The following HID1 variants were observed in gnomAD, a reference collection of about 807,000 sequenced individuals.
HID1 encodes protein HID1.
In HID1, 42 loss-of-function variants were observed where a neutral mutation model predicts 89.7. The ratio of observed to expected loss-of-function variants is 0.47; its 90% CI spans 0.37 to 0.61. The LOEUF is 0.61. Ranked by LOEUF, HID1 falls within the 20% of genes least tolerant of loss-of-function variation. HID1 has a pLI of 0.00. For synonymous variants in HID1, 442 were observed against 433.8 expected (o/e 1.02, Z -0.24); for missense variants, 854 against 1,039.3 (o/e 0.82, Z 2.45).
chr17:74,966,227 T>C (rs1183662687), intron 1 of HID1, among the ~76,000 whole-genome samples: 1 of 131,210 alleles, frequency 7.6e-6, no homozygotes, highest in African/African-American at 3.0e-5. Flanking sequence ...GAGGTCGCAG[T>C]GAGCCGAGAT....
Position 74,962,045 on chromosome 17 carries a change from T to C in HID1, c.612-56A>G, listed in dbSNP as rs1479115077. The C allele has an allele frequency of 1.5e-6, 2 of 1,365,812 alleles. No individual in the cohort carries two copies. Among genetic ancestry groups the C allele is most frequent in the Non-Finnish European group, 2.0e-6 (2 of 1,007,824 alleles). 84.6% of individuals were successfully genotyped at this position (1,365,812 alleles called of 1,614,324 possible). A position where few individuals can be genotyped will look rare whatever the true frequency, so the allele number is the denominator to read the frequency against. ...GATCCCAGTCCCCTCTTGGAGGTTC[T>C]GCCCACCCAGCCCAGCGCCCCAGCC... On this transcript the variant is annotated intron_variant, in intron 5 of 18. Coordinates refer to ENST00000425042, the MANE Select transcript of HID1 (RefSeq NM_030630.3). This position sits in a 1 kb window ranked among gnomAD's most constrained non-coding sequence, Gnocchi z 4.3.
intron 18 of HID1, 89 bp downstream of exon 18, chr17:74,951,816 C>T (rs2039304666): frequency 1.4e-6 from 2 of 1,428,128 alleles, no homozygotes; most frequent in Non-Finnish European, 1.9e-6. Context: ...TGAAGTCCAC[C>T]ATAGGTGGTG....
Position 74,972,144 on chromosome 17 carries a change from A to C in HID1, c.66+447T>G, listed in dbSNP as rs1450458746. Among the ~76,000 whole-genome samples, 1 of 151,814 alleles carries C rather than the reference A, an allele frequency of 6.6e-6. No homozygotes were observed. Among genetic ancestry groups the C allele is most frequent in the African/African-American group, 2.4e-5 (1 of 41,344 alleles). The stretch of plus-strand genomic sequence containing the variant: ...TGTTTCTCCGACCCGGGCGGACGCC[A>C]GCCAGGCTTTGTTTGCATTGAGTCA... On this transcript the variant is annotated intron_variant, in intron 1 of 18. Coordinates refer to ENST00000425042, the MANE Select transcript of HID1 (RefSeq NM_030630.3). This position sits in a 1 kb window ranked among gnomAD's most constrained non-coding sequence, Gnocchi z 6.4.
At chr17:74,961,815 G>T in intron 6 of HID1, 58 bp downstream of exon 6, 3 of 1,116,474 alleles carry the variant, frequency 2.7e-6, no homozygotes, top group Non-Finnish European at 3.8e-6. Flanking sequence ...AATGGACTCA[G>T]CTCTGGATTG....
Position 74,972,564 on chromosome 17 carries a change from G to A in HID1, c.66+27C>T, listed in dbSNP as rs933700592. The A allele has an allele frequency of 5.2e-6, 8 of 1,538,708 alleles. No individual in the cohort carries two copies. The highest frequency in any genetic ancestry group is 2.8e-5 in the African/African-American group (2 of 72,148). ...CCAGCCCCCAGCCCGGCAGGTGGAT[G>A]GGGACGCCGGGGCCCCCGTGGCGCA... On this transcript the variant is annotated intron_variant, in intron 1 of 18. Transcript: ENST00000425042. The surrounding 1 kb of genome is among the most constrained non-coding windows in gnomAD (Gnocchi z 6.4).
Position 74,962,361 on chromosome 17 carries a change from A to T in HID1, c.505-21T>A. 1 of 1,570,704 alleles carries T rather than the reference A, an allele frequency of 6.4e-7. No individual in the cohort carries two copies. The highest frequency in any genetic ancestry group is 2.3e-5 in the East Asian group (1 of 44,122). On this transcript the variant is annotated intron_variant, in intron 4 of 18. Transcript: ENST00000425042. The surrounding 1 kb of genome is among the most constrained non-coding windows in gnomAD (Gnocchi z 4.3). ...GAGTCCTGGGGACAGGCCAGGAAGA[A>T]GCCGGGTTAGGGGGTCGAGAGGTGA...
In HID1 at chr17:74,954,150, C is replaced by T; in HGVS notation, c.1852G>A (p.Val618Met). ...ACTAGCACCAGACCTGGAGTAGCCA[C>T]CAGACTGGTCTTGAGGGTGCCTGGC... The part of the protein sequence containing the change: ...AEPGTLKTSL[V>M]ATPGIDKLTE... The change falls in exon 14 of 19, where the codon GTG (valine) becomes ATG (methionine). Residue 618 changes from valine to methionine, a missense_variant. By Grantham distance (21) the Val-to-Met change is conservative (BLOSUM62 1). Transcript: ENST00000425042. 1 of 1,598,904 alleles carries T rather than the reference C, an allele frequency of 6.3e-7. No homozygotes were observed. The highest frequency in any genetic ancestry group is 8.5e-7 in the Non-Finnish European group (1 of 1,174,012).
chr17:74,967,075 C>T (rs1233531578), intron 1 of HID1, among the ~76,000 whole-genome samples: 1 of 151,730 alleles, frequency 6.6e-6, no homozygotes. Context: ...CCCGTCTCTA[C>T]TAAAAATACA....
intron 14 of HID1, 145 bp downstream of exon 14, chr17:74,953,993 C>G (rs1259223891): frequency 1.2e-6 from 1 of 812,978 alleles, no homozygotes; most frequent in Non-Finnish European, 2.0e-6. Context: ...GTACCCTCCC[C>G]CCATCCCTGT....
Position 74,958,410 on chromosome 17 carries a change from C to A in HID1, c.1309G>T (p.Val437Leu). Reference protein sequence around the residue: ...LLLSGERNFGVRLNKPYSIRV... With the variant: ...LLLSGERNFGLRLNKPYSIRV... ...ATTGAGTAGGGTTTGTTCAGCCGCACCCCGAAGTTCCGCTCCCCGCTCAGA... is the reference window on the plus strand; with the variant it reads ...ATTGAGTAGGGTTTGTTCAGCCGCAACCCGAAGTTCCGCTCCCCGCTCAGA... Residue 437 changes from valine (V) to leucine (L), a missense_variant, in exon 11 of 19, where the codon GTG becomes TTG. Val to Leu is a conservative substitution (Grantham distance 32). Coordinates refer to ENST00000425042, the MANE Select transcript of HID1 (RefSeq NM_030630.3). This position sits in a 1 kb window ranked among gnomAD's most constrained non-coding sequence, Gnocchi z 5.2. The A allele has an allele frequency of 6.2e-7, 1 of 1,607,632 alleles. No individual in the cohort carries two copies. Among genetic ancestry groups the A allele is most frequent in the Non-Finnish European group, 8.5e-7 (1 of 1,177,058 alleles).
Position 74,958,626 on chromosome 17 carries a change from T to C in HID1, c.1240+47A>G. The C allele has an allele frequency of 1.3e-6, 2 of 1,599,122 alleles. No individual in the cohort carries two copies. Among genetic ancestry groups the C allele is most frequent in the Non-Finnish European group, 1.7e-6 (2 of 1,167,480 alleles). On this transcript the variant is annotated intron_variant, in intron 10 of 18. Coordinates refer to ENST00000425042, the MANE Select transcript of HID1 (RefSeq NM_030630.3). This position sits in a 1 kb window ranked among gnomAD's most constrained non-coding sequence, Gnocchi z 5.2. ...CAGGGCAGATAGCCAGCCCTCCACC[T>C]CGCCGCCAGGAAAGCCCCCAGCATC...
rs765766431 is a variant in HID1 at position 74,954,202 on chromosome 17, C to G, written c.1800G>C (p.Glu600Asp). ...CTGCAGGGGCAGCGGGGCGGGAGCC[C>G]TCCATGGAGGTGCCCTCCTGGGAGC... is the stretch of plus-strand genomic sequence containing the variant. ...RTGSQEGTSM[E>D]GSRPAAPAEP... The change falls in exon 14 of 19, where the codon GAG (glutamate) becomes GAC (aspartate). Residue 600 changes from glutamate to aspartate, a missense_variant. By Grantham distance (45) the Glu-to-Asp change is conservative (BLOSUM62 2). Transcript: ENST00000425042. The G allele has an allele frequency of 3.1e-6, 5 of 1,601,678 alleles. No individual in the cohort carries two copies. In the African/African-American group the frequency reaches 6.7e-5, roughly 21 times the overall value.
At position 74,960,083 on chromosome 17, in the gene HID1, G is replaced by C; in HGVS notation, c.894C>G (p.Ser298Arg). 6.2e-7 allele frequency: 1 copy of C among 1,613,900 alleles called. No homozygotes were observed. ...TGCCGTCCACAGTGGGGCTGGCACT[G>C]CTGGCACTGTCGTGGTCCAAAGTGA... ...LIVTLDHDSA[S>R]SASPTVDGTT... The change falls in exon 7 of 19, where the codon AGC becomes AGG. Residue 298 changes from serine to arginine, a missense_variant. Transcript: ENST00000425042.
Position 74,964,883 on chromosome 17 carries a change from G to A in HID1, c.67-251C>T, listed in dbSNP as rs193119653. On this transcript the variant is annotated intron_variant, in intron 1 of 18. Coordinates refer to ENST00000425042, the MANE Select transcript of HID1 (RefSeq NM_030630.3). Reference sequence around the variant, plus strand: ...GGCACAGAGTCAGCCAAAGCCCAACGCCACCCCTGAGGAGGTGTGTGACCC... The same window carrying A: ...GGCACAGAGTCAGCCAAAGCCCAACACCACCCCTGAGGAGGTGTGTGACCC... 2.6e-5 allele frequency among the ~76,000 whole-genome samples: 4 copies of A among 152,278 alleles called. No individual in the cohort carries two copies. In the East Asian group the frequency reaches 5.8e-4, roughly 22 times the overall value.
At chr17:74,952,218 C>A in intron 17 of HID1, 51 bp downstream of exon 17, 1 of 1,566,876 alleles carries the variant, frequency 6.4e-7, no homozygotes, top group South Asian at 1.1e-5. Flanking sequence ...CGGCCCCGCC[C>A]ACAACCCCGG....
In HID1 at chr17:74,951,507, G is replaced by A. The variant is rs906325340; in HGVS notation, c.*63C>T. 1.4e-6 allele frequency: 2 copies of A among 1,474,010 alleles called. No homozygotes were observed. Among genetic ancestry groups the A allele is most frequent in the South Asian group, 1.2e-5 (1 of 84,160 alleles). 91.3% of individuals were successfully genotyped at this position (1,474,010 alleles called of 1,614,324 possible). A position where few individuals can be genotyped will look rare whatever the true frequency, so the allele number is the denominator to read the frequency against. ...AATTTAAAGCTCAGAATGGTGGATGGGGGAAGCCTCAGGGACCAAGGCCCT... is the reference window on the plus strand; with the variant it reads ...AATTTAAAGCTCAGAATGGTGGATGAGGGAAGCCTCAGGGACCAAGGCCCT... On this transcript the variant is annotated 3_prime_UTR_variant, in exon 19 of 19. Transcript: ENST00000425042.
chr17:74,954,212 G>C lies in HID1; in HGVS notation c.1790C>G (p.Thr597Ser). 6.3e-7 allele frequency: 1 copy of C among 1,599,424 alleles called. No homozygotes were observed. Among genetic ancestry groups the C allele is most frequent in the East Asian group, 2.3e-5 (1 of 44,348 alleles). The change falls in exon 14 of 19, where the codon ACC (threonine) becomes AGC (serine). Residue 597 changes from threonine to serine, a missense_variant. Thr to Ser is a moderately conservative substitution (Grantham distance 58). Coordinates refer to ENST00000425042, the MANE Select transcript of HID1 (RefSeq NM_030630.3). ...AGCGGGGCGGGAGCCCTCCATGGAG[G>C]TGCCCTCCTGGGAGCCGGTGCGAGA... Reference protein sequence around the residue: ...PLSRTGSQEGTSMEGSRPAAP... With the variant: ...PLSRTGSQEGSSMEGSRPAAP...
At position 74,959,131 on chromosome 17, in the gene HID1, T is replaced by TGC. The variant is rs2039441089; in HGVS notation, c.1009-81_1009-80insGC. 2 of 1,395,424 alleles carry TGC rather than the reference T, an allele frequency of 1.4e-6. No individual in the cohort carries two copies. The highest frequency in any genetic ancestry group is 1.9e-6 in the Non-Finnish European group (2 of 1,065,902). The allele number at this position is 1,395,424 out of a possible 1,614,324, so 86.4% of individuals were successfully genotyped here. A position where few individuals can be genotyped will look rare whatever the true frequency, so the allele number is the denominator to read the frequency against. On this transcript the variant is annotated intron_variant, in intron 8 of 18. Transcript: ENST00000425042. The surrounding 1 kb of genome is among the most constrained non-coding windows in gnomAD (Gnocchi z 4.6). ...TTTCCCAGCCCAGGCCCCCAACAAA[T>TGC]CCCCCCCTCCATCCCCCAGAGCCAG...
chr17:74,969,614 GT>G (rs2144831939), intron 1 of HID1, among the ~76,000 whole-genome samples: 1 of 151,416 alleles, frequency 6.6e-6, no homozygotes, highest in East Asian at 2.0e-4. Context: ...TCTTTTGTTT[GT>G]TTTTGAGTCA....
Sources: gnomAD v4.1 joint callset for allele counts (sites outside exome capture counted in the v4.1 genomes callset) on GRCh38, gnomAD v4.1.1 for gene constraint, Gnocchi (gnomAD v3.1) non-coding constraint, MANE v1.5 for transcripts, NCBI Gene and HGNC (gene_info 2026-07-23, HGNC 2026-07-21) for gene names.